The following FAM124A variants were observed in gnomAD, a reference collection of about 807,000 sequenced individuals.
The protein encoded by FAM124A is protein FAM124A.
FAM124A carries 23 observed loss-of-function variants against 24.5 expected under a neutral mutation model. The observed-to-expected ratio is 0.94, with a 90% confidence interval of 0.68 to 1.33. FAM124A has a LOEUF of 1.33. FAM124A is among the 40% of genes most tolerant of loss of function. FAM124A has a pLI of 0.00. For missense variants in FAM124A, 623 were observed against 722.8 expected (o/e 0.86, Z 1.58); for synonymous variants, 287 against 314.7 (o/e 0.91, Z 0.93).
Position 51,222,513 on chromosome 13 carries a change from G to C in FAM124A, c.12G>C (p.Lys4Asn). Residue 4 changes from lysine (K) to asparagine (N), a missense_variant, in exon 1 of 4, where the codon AAG becomes AAC. By Grantham distance (94) the Lys-to-Asn change is moderately conservative. Transcript: ENST00000322475. ...CCGGGACGTGCACCATGGACCCAAA[G>C]GCGGGCGGCGGCGGCGAGGAGGACG... is the stretch of plus-strand genomic sequence containing the variant. The part of the protein sequence containing the change: MDP[K>N]AGGGGEEDDC... The C allele has an allele frequency of 8.2e-7, 1 of 1,225,370 alleles. No homozygotes were observed. The highest frequency in any genetic ancestry group is 1.0e-6 in the Non-Finnish European group (1 of 985,114). 75.9% of individuals were successfully genotyped at this position (1,225,370 alleles called of 1,614,324 possible).
chr13:51,233,658 C>G (rs954754048), intron 2 of FAM124A, among the ~76,000 whole-genome samples: 2 of 152,130 alleles, frequency 1.3e-5, no homozygotes, highest in African/African-American at 4.8e-5. Context: ...CTGGCGCCAC[C>G]TACTTTCAGG....
intron 2 of FAM124A, among the ~76,000 whole-genome samples, chr13:51,232,819 G>A (rs1414353756): frequency 6.6e-6 from 1 of 152,170 alleles, no homozygotes; most frequent in Admixed American, 6.5e-5. Flanking sequence ...CTTGTGTGAA[G>A]CCTTAGTTCA....
intron 3 of FAM124A, among the ~76,000 whole-genome samples, chr13:51,260,444 G>C (rs774191187): frequency 6.6e-6 from 1 of 152,226 alleles, no homozygotes; most frequent in Non-Finnish European, 1.5e-5. Context: ...GGTCTTGCCT[G>C]ACAATGAGCT....
chr13:51,260,087 G>A (rs575856819), intron 3 of FAM124A, among the ~76,000 whole-genome samples: 10 of 152,276 alleles, frequency 6.6e-5, no homozygotes, highest in South Asian at 2.1e-4. Context: ...TCCTGGGGCC[G>A]TGGTGTCTGC....
At chr13:51,259,293 G>C (rs1017049193) in intron 3 of FAM124A, among the ~76,000 whole-genome samples, 1 of 152,034 alleles carries the variant, frequency 6.6e-6, no homozygotes, top group African/African-American at 2.4e-5. Flanking sequence ...ATGCAAATCA[G>C]ATCATGTGAC....
chr13:51,225,063 A>G (rs1231397659), intron 1 of FAM124A: 4 of 152,170 alleles, frequency 2.6e-5, no homozygotes, highest in African/African-American at 9.7e-5. Flanking sequence ...TTCAAGTTGT[A>G]TGCAAAATGA....
intron 3 of FAM124A, among the ~76,000 whole-genome samples, chr13:51,278,165 G>A (rs1010061148): frequency 2.0e-5 from 3 of 152,220 alleles, no homozygotes; most frequent in African/African-American, 7.2e-5. Flanking sequence ...GTCACTTGGA[G>A]CAGCTCAGGA....
At chr13:51,253,566 A>G (rs1252236484) in intron 3 of FAM124A, 1 of 152,232 alleles carries the variant, frequency 6.6e-6, no homozygotes, top group African/African-American at 2.4e-5. Context: ...ACCAAGTAAA[A>G]GTTAATGAAA....
At position 51,281,224 on chromosome 13, in the gene FAM124A, G is replaced by C; in HGVS notation, c.1609G>C (p.Gly537Arg). ...MPPPPGSAGP[G>R]DNDMEEFYI Reference sequence around the variant, plus strand: ...ACCACCCCCAGGGTCGGCTGGCCCCGGGGATAACGACATGGAGGAATTCTA... The same window carrying C: ...ACCACCCCCAGGGTCGGCTGGCCCCCGGGATAACGACATGGAGGAATTCTA... Residue 537 changes from glycine (G) to arginine (R), a missense_variant, in exon 4 of 4, where the codon GGG (glycine) becomes CGG (arginine). Gly to Arg is a moderately radical substitution (Grantham distance 125). Coordinates refer to ENST00000322475, the MANE Select transcript of FAM124A (RefSeq NM_001242312.2). 1 of 1,592,332 alleles carries C rather than the reference G, an allele frequency of 6.3e-7. No individual in the cohort carries two copies. Among genetic ancestry groups the C allele is most frequent in the Non-Finnish European group, 8.5e-7 (1 of 1,170,910 alleles).
intron 3 of FAM124A, among the ~76,000 whole-genome samples, chr13:51,259,040 T>C (rs371398158): frequency 3.0e-4 from 46 of 152,152 alleles, no homozygotes; most frequent in African/African-American, 1.1e-3. Context: ...CATAGATGTC[T>C]GGTGAGACAC....
intron 1 of FAM124A, among the ~76,000 whole-genome samples, chr13:51,229,948 C>A (rs7324210): frequency 4.7e-4 from 72 of 152,300 alleles, no homozygotes; most frequent in Non-Finnish European, 8.5e-4. Context: ...CAGTCAATCC[C>A]TTCTGCCTTC....
chr13:51,242,269 A>G (rs927314136), intron 2 of FAM124A, among the ~76,000 whole-genome samples: 12 of 152,208 alleles, frequency 7.9e-5, no homozygotes, highest in Non-Finnish European at 1.5e-4. Context: ...TGGTTTAGAG[A>G]GAATTAAAAT....
intron 2 of FAM124A, among the ~76,000 whole-genome samples, chr13:51,247,358 G>A (rs1351519291): frequency 6.6e-6 from 1 of 152,238 alleles, no homozygotes; most frequent in East Asian, 1.9e-4. Flanking sequence ...ACCTTGGCAG[G>A]CTACTTCACC....
At chr13:51,231,265 C>T (rs1954373724) in intron 1 of FAM124A, 83 bp from the exon 2 acceptor site, 1 of 1,485,884 alleles carries the variant, frequency 6.7e-7, no homozygotes, top group South Asian at 1.1e-5. Flanking sequence ...CTAAATGCTA[C>T]TTACCACTGA....
At chr13:51,223,981 T>G (rs886585124) in intron 1 of FAM124A, among the ~76,000 whole-genome samples, 1 of 152,150 alleles carries the variant, frequency 6.6e-6, no homozygotes, top group Non-Finnish European at 1.5e-5. Context: ...AAAACTGATA[T>G]TTTTTTCAAG....
In FAM124A at chr13:51,258,793, C is replaced by T. The variant is rs1031406024; in HGVS notation, c.834+6592C>T. 6.6e-6 allele frequency among the ~76,000 whole-genome samples: 1 copy of T among 152,196 alleles called. No individual in the cohort carries two copies. The highest frequency in any genetic ancestry group is 1.5e-5 in the Non-Finnish European group (1 of 68,036). On this transcript the variant is annotated intron_variant, in intron 3 of 3. Transcript: ENST00000322475. The surrounding 1 kb of genome is among the most constrained non-coding windows in gnomAD (Gnocchi z 4.2). ...GGGAAGAATGCCTCTGGCGTGCCCT[C>T]GGTCAGCACCCATGACCCGGGAATG... is the stretch of plus-strand genomic sequence containing the variant.
chr13:51,283,397 G>C lies in FAM124A; in HGVS notation c.*2141G>C, dbSNP rs1315912528. 7 of 152,160 alleles carry C rather than the reference G, an allele frequency of 4.6e-5. No individual in the cohort carries two copies. The highest frequency in any genetic ancestry group is 1.7e-4 in the African/African-American group (7 of 41,430). 9.4% of individuals were successfully genotyped at this position (152,160 alleles called of 1,614,324 possible). A position where few individuals can be genotyped will look rare whatever the true frequency, so the allele number is the denominator to read the frequency against. On this transcript the variant is annotated 3_prime_UTR_variant, in exon 4 of 4. Coordinates refer to ENST00000322475, the MANE Select transcript of FAM124A (RefSeq NM_001242312.2). ...GGCCAGATTTGGCCCAAGGGTCATA[G>C]TTTATTATCCCTTGAGCTAGGCTGC...
chr13:51,278,001 C>T (rs534194679), intron 3 of FAM124A, among the ~76,000 whole-genome samples: 2 of 152,274 alleles, frequency 1.3e-5, no homozygotes, highest in South Asian at 2.1e-4. Context: ...CCAAATTTCC[C>T]GGGCTGGTTG....
At chr13:51,268,681 A>C (rs1234709025) in intron 3 of FAM124A, among the ~76,000 whole-genome samples, 1 of 152,216 alleles carries the variant, frequency 6.6e-6, no homozygotes, top group Non-Finnish European at 1.5e-5. Flanking sequence ...AATAAAGGAA[A>C]TTGCTTTCCA....
Sources: allele counts gnomAD v4.1 joint callset (sites outside exome capture counted in the v4.1 genomes callset), GRCh38; gene constraint gnomAD v4.1.1; non-coding constraint Gnocchi (gnomAD v3.1); transcripts MANE v1.5; gene names NCBI Gene and HGNC (gene_info 2026-07-23, HGNC 2026-07-21).